The following CELF2 variants were observed in gnomAD, a reference collection of about 807,000 sequenced individuals.
CELF2 encodes CUGBP Elav-like family member 2.
A neutral mutation model predicts 62.6 loss-of-function variants in CELF2; 8 were observed. The ratio of observed to expected loss-of-function variants is 0.13; its 90% CI spans 0.07 to 0.23. The LOEUF is 0.23. Among genes scored for constraint, CELF2 ranks in the 10% least tolerant of loss-of-function variants. The pLI is 1.00. For synonymous variants in CELF2, 258 were observed against 250.0 expected (o/e 1.03, Z -0.30); for missense variants, 333 against 671.0 (o/e 0.50, Z 5.56).
the CELF2 span, among the ~76,000 whole-genome samples, chr10:10,620,762 C>T: frequency 4.2e-5 from 6 of 144,456 alleles, no homozygotes; most frequent in African/African-American, 1.3e-4. Context: ...CAAAATTAGC[C>T]GGGAGTGGTG....
intron 1 of CELF2, among the ~76,000 whole-genome samples, chr10:10,812,176 G>C (rs1345307834): frequency 6.6e-6 from 1 of 152,142 alleles, no homozygotes; most frequent in Non-Finnish European, 1.5e-5. Context: ...CCATGTGGCT[G>C]GGAAGGCCTC....
chr10:10,873,719 C>T (rs1401450931), intron 1 of CELF2, among the ~76,000 whole-genome samples: 2 of 152,224 alleles, frequency 1.3e-5, no homozygotes. Flanking sequence ...ATCTGTTCAT[C>T]TCTCCAACTT....
intron 1 of CELF2, among the ~76,000 whole-genome samples, chr10:11,023,035 T>A (rs899113476): frequency 6.6e-6 from 1 of 152,224 alleles, no homozygotes; most frequent in Non-Finnish European, 1.5e-5. Context: ...CCAAACTTAA[T>A]AGGTCATTAT....
chr10:11,149,741 C>T (rs1410740461), intron 1 of CELF2, among the ~76,000 whole-genome samples: 2 of 152,114 alleles, frequency 1.3e-5, no homozygotes, highest in Non-Finnish European at 2.9e-5. Context: ...GGGTTGCTAA[C>T]GAAACCTCTG....
chr10:11,122,085 G>A (rs949632259), intron 1 of CELF2, among the ~76,000 whole-genome samples: 1 of 152,194 alleles, frequency 6.6e-6, no homozygotes, highest in African/African-American at 2.4e-5. Flanking sequence ...GCAAATCTTG[G>A]TTTCTATCCT....
At chr10:10,639,359 A>G in the CELF2 span, among the ~76,000 whole-genome samples, 5 of 152,204 alleles carry the variant, frequency 3.3e-5, no homozygotes, top group Admixed American at 2.0e-4. Context: ...TTCCTCTTTG[A>G]ATATTAAAAG....
At chr10:10,599,426 T>C in the CELF2 span, among the ~76,000 whole-genome samples, 2 of 152,168 alleles carry the variant, frequency 1.3e-5, no homozygotes, top group Non-Finnish European at 2.9e-5. Context: ...TTGGTAAATA[T>C]TAAAAATTTT....
intron 1 of CELF2, among the ~76,000 whole-genome samples, chr10:11,060,633 C>T (rs2066490236): frequency 1.3e-5 from 2 of 151,892 alleles, no homozygotes; most frequent in South Asian, 2.1e-4. Flanking sequence ...CAGATACTGC[C>T]TTTTTTTTCC....
chr10:10,544,573 T>G, the CELF2 span, among the ~76,000 whole-genome samples: 11 of 152,372 alleles, frequency 7.2e-5, no homozygotes, highest in Admixed American at 2.0e-4. Context: ...TATAAAGCTA[T>G]GAGTATACTA....
chr10:10,620,126 C>A, the CELF2 span, among the ~76,000 whole-genome samples: 1 of 152,162 alleles, frequency 6.6e-6, no homozygotes, highest in East Asian at 1.9e-4. Context: ...GGCAAGGTTG[C>A]CAATCTTGGA....
At chr10:11,163,607 G>A (rs1179884120) in intron 1 of CELF2, among the ~76,000 whole-genome samples, 2 of 152,210 alleles carry the variant, frequency 1.3e-5, no homozygotes, top group Non-Finnish European at 2.9e-5. Flanking sequence ...TTTGTACTCA[G>A]TATTTTATTC....
chr10:11,025,600 A>C (rs1047803880), intron 1 of CELF2, among the ~76,000 whole-genome samples: 1 of 152,152 alleles, frequency 6.6e-6, no homozygotes, highest in African/African-American at 2.4e-5. Flanking sequence ...TCTCTTCTTT[A>C]TAAATTACCC....
chr10:10,634,656 C>A, the CELF2 span, among the ~76,000 whole-genome samples: 3 of 97,082 alleles, frequency 3.1e-5, no homozygotes, highest in Non-Finnish European at 4.0e-5. Context: ...AAGTTCATTT[C>A]TTTTCTTTTC....
At position 11,039,678 on chromosome 10, in the gene CELF2, T is replaced by C. The variant is rs1243634847; in HGVS notation, c.74+21515T>C. On this transcript the variant is annotated intron_variant, in intron 1 of 12. Transcript: ENST00000633077. The surrounding 1 kb of genome is among the most constrained non-coding windows in gnomAD (Gnocchi z 4.1). ...CAATGGAAGATAGGTTAAGTGTACT[T>C]CATAATTTTGATCATTGAACCAGGA... Among the ~76,000 whole-genome samples the C allele has an allele frequency of 6.6e-6, 1 of 152,246 alleles. No homozygotes were observed. The highest frequency in any genetic ancestry group is 2.4e-5 in the African/African-American group (1 of 41,466).
intron 9 of CELF2, among the ~76,000 whole-genome samples, chr10:11,289,183 T>G (rs1360095125): frequency 6.6e-6 from 1 of 152,032 alleles, no homozygotes; most frequent in African/African-American, 2.4e-5. Flanking sequence ...TTTGTTTTGT[T>G]TTTTTTTAAT....
rs375608269 is a variant in CELF2, at chr10:11,267,622, A to G, written c.618+945A>G. Among the ~76,000 whole-genome samples the G allele has an allele frequency of 6.6e-6, 1 of 152,224 alleles. No individual in the cohort carries two copies. The highest frequency in any genetic ancestry group is 2.4e-5 in the African/African-American group (1 of 41,448). On this transcript the variant is annotated intron_variant, in intron 6 of 12. Transcript: ENST00000633077. This position sits in a 1 kb window ranked among gnomAD's most constrained non-coding sequence, Gnocchi z 4.4. ...TTTTCAATTTTATTTAATATGCAAA[A>G]AACTTTTTTCTTGATTGAGCTTCTG...
At chr10:10,770,075 T>C in the CELF2 span, among the ~76,000 whole-genome samples, 2 of 152,116 alleles carry the variant, frequency 1.3e-5, no homozygotes, top group African/African-American at 4.8e-5. Context: ...GATATATAGA[T>C]TGATGTGAAC....
At chr10:10,628,949 C>T in the CELF2 span, among the ~76,000 whole-genome samples, 1 of 152,160 alleles carries the variant, frequency 6.6e-6, no homozygotes, top group Non-Finnish European at 1.5e-5. Context: ...GGGGTACTTT[C>T]TAATTTTAAC....
At chr10:11,202,160 A>G (rs2059363195) in intron 2 of CELF2, among the ~76,000 whole-genome samples, 1 of 152,176 alleles carries the variant, frequency 6.6e-6, no homozygotes, top group Non-Finnish European at 1.5e-5. Flanking sequence ...GTTTATATCA[A>G]CTACTTGGAA....
Sources: allele counts gnomAD v4.1 joint callset (sites outside exome capture counted in the v4.1 genomes callset), GRCh38; gene constraint gnomAD v4.1.1; non-coding constraint Gnocchi (gnomAD v3.1); transcripts MANE v1.5; gene names NCBI Gene and HGNC (gene_info 2026-07-23, HGNC 2026-07-21).